Variants in GPC3 observed in about 807,000 individuals in gnomAD.
The protein encoded by GPC3 is glypican-3.
A neutral mutation model predicts 34.4 loss-of-function variants in GPC3; 3 were observed. The observed-to-expected ratio is 0.09, with a 90% CI of 0.04 to 0.23. The LOEUF (loss-of-function observed/expected upper bound fraction) is 0.23. Among genes scored for constraint, GPC3 ranks in the 10% least tolerant of loss-of-function variants. The pLI is 1.00. For synonymous variants in GPC3, 177 were observed against 174.0 expected (o/e 1.02, Z -0.13); for missense variants, 351 against 445.6 (o/e 0.79, Z 1.91).
intron 2 of GPC3, among the ~76,000 whole-genome samples, chrX:133,758,781 A>G (rs2071755571): frequency 9.0e-6 from 1 of 111,393 alleles, no homozygotes; most frequent in Non-Finnish European, 1.9e-5. Flanking sequence ...AATAAGAAAA[A>G]TCATATGATC....
At chrX:133,858,540 C>A (rs1603261125) in intron 2 of GPC3, among the ~76,000 whole-genome samples, 1 of 111,672 alleles carries the variant, frequency 9.0e-6, no homozygotes, top group South Asian at 3.8e-4. Context: ...TAATTTCTGA[C>A]TGCAGATTAA....
intron 1 of GPC3, among the ~76,000 whole-genome samples, chrX:133,956,005 A>C (rs1374616167): frequency 3.6e-5 from 4 of 111,898 alleles, no homozygotes; most frequent in Non-Finnish European, 7.5e-5. Flanking sequence ...AATGAAATTC[A>C]TCAAGTTTTG....
intron 3 of GPC3, among the ~76,000 whole-genome samples, chrX:133,704,655 A>G (rs1439782814): frequency 9.1e-6 from 1 of 110,119 alleles, no homozygotes; most frequent in Non-Finnish European, 1.9e-5. Flanking sequence ...TTCTTGGTAT[A>G]GGGTGGGCAC....
chrX:133,551,513 T>C (rs1465203103), intron 7 of GPC3, among the ~76,000 whole-genome samples: 1 of 111,702 alleles, frequency 9.0e-6, no homozygotes, highest in Non-Finnish European at 1.9e-5. Context: ...TGTCCAATTA[T>C]TCCCTTCTCT....
intron 2 of GPC3, among the ~76,000 whole-genome samples, chrX:133,839,055 T>C (rs1179992167): frequency 9.0e-6 from 1 of 111,516 alleles, no homozygotes; most frequent in East Asian, 2.8e-4. Context: ...CAGAAGGACT[T>C]TATCTCTCAG....
chrX:133,926,943 C>T (rs1017666801), intron 2 of GPC3, among the ~76,000 whole-genome samples: 1 of 110,348 alleles, frequency 9.1e-6, no homozygotes, highest in Non-Finnish European at 1.9e-5. Flanking sequence ...ATTTCCTAGG[C>T]AGACTGCTCA....
intron 7 of GPC3, among the ~76,000 whole-genome samples, chrX:133,548,631 T>C (rs2069406850): frequency 8.9e-6 from 1 of 111,757 alleles, no homozygotes; most frequent in South Asian, 3.8e-4. Flanking sequence ...ATTTGTTCTT[T>C]AAATACTTTC....
At chrX:133,567,399 C>T (rs1254404725) in intron 7 of GPC3, among the ~76,000 whole-genome samples, 1 of 112,363 alleles carries the variant, frequency 8.9e-6, no homozygotes, top group Non-Finnish European at 1.9e-5. Flanking sequence ...GGTCAAATCA[C>T]ACCCCATGAA....
intron 1 of GPC3, among the ~76,000 whole-genome samples, chrX:133,955,202 C>T (rs966691499): frequency 1.8e-5 from 2 of 111,502 alleles, no homozygotes; most frequent in Non-Finnish European, 3.8e-5. Context: ...TCCCTGGGGG[C>T]TGCTCCCAGC....
intron 3 of GPC3, among the ~76,000 whole-genome samples, chrX:133,728,919 A>G (rs2071438597): frequency 8.9e-6 from 1 of 112,129 alleles, no homozygotes; most frequent in East Asian, 2.8e-4. Context: ...TCCCCCTAAT[A>G]GTCTAAAAGC....
intron 1 of GPC3, among the ~76,000 whole-genome samples, chrX:133,975,215 A>C (rs2076510002): frequency 9.0e-6 from 1 of 111,559 alleles, no homozygotes; most frequent in South Asian, 3.8e-4. Context: ...TCATCCTCCA[A>C]CTGAATAATG....
chrX:133,778,905 C>T (rs1157163076), intron 2 of GPC3, among the ~76,000 whole-genome samples: 1 of 111,919 alleles, frequency 8.9e-6, no homozygotes, highest in African/African-American at 3.3e-5. Flanking sequence ...ATATTTTCTG[C>T]CTTTAGTGTT....
chrX:133,939,053 A>C (rs1204353403), intron 2 of GPC3, among the ~76,000 whole-genome samples: 1 of 111,719 alleles, frequency 9.0e-6, no homozygotes, highest in Non-Finnish European at 1.9e-5. Context: ...TGCCTGAATT[A>C]GTAGCTACCC....
chrX:133,579,849 A>G (rs1482896438), intron 7 of GPC3, among the ~76,000 whole-genome samples: 2 of 112,174 alleles, frequency 1.8e-5, no homozygotes, highest in Admixed American at 1.9e-4. Flanking sequence ...ACTGAGTTTT[A>G]AAGGTACAAA....
At chrX:133,585,510 A>G (rs999073380) in intron 7 of GPC3, among the ~76,000 whole-genome samples, 26 of 111,501 alleles carry the variant, frequency 2.3e-4, no homozygotes, top group African/African-American at 8.1e-4. Flanking sequence ...AACTTTGGAC[A>G]ACAGCACAGG....
chrX:133,768,670 G>A (rs1225625546), intron 2 of GPC3, among the ~76,000 whole-genome samples: 1 of 111,980 alleles, frequency 8.9e-6, no homozygotes, highest in Non-Finnish European at 1.9e-5. Flanking sequence ...TGGGCGCAGT[G>A]GCTCACACCT....
chrX:133,934,821 A>C (rs147429252), intron 2 of GPC3, among the ~76,000 whole-genome samples: 5,008 of 110,067 alleles, frequency 0.045, 118 homozygotes, highest in East Asian at 0.1. Flanking sequence ...TCATGCCTGG[A>C]CTTCTTTATA....
At chrX:133,767,921 C>T (rs758716738) in intron 2 of GPC3, among the ~76,000 whole-genome samples, 5 of 92,423 alleles carry the variant, frequency 5.4e-5, no homozygotes, top group Non-Finnish European at 1.0e-4. Context: ...GTTGTATGTA[C>T]GTGTGTGTTA....
chrX:133,674,401 C>G (rs1025658124), intron 5 of GPC3, among the ~76,000 whole-genome samples: 1 of 110,903 alleles, frequency 9.0e-6, no homozygotes, highest in African/African-American at 3.3e-5. Flanking sequence ...GTAGGAATGG[C>G]TTATCATCAG....
Sources: gnomAD v4.1 joint callset for allele counts (sites outside exome capture counted in the v4.1 genomes callset) on GRCh38, gnomAD v4.1.1 for gene constraint, MANE v1.5 for transcripts, NCBI Gene and HGNC (gene_info 2026-07-23, HGNC 2026-07-21) for gene names.